The following FBXL13 variants were observed in gnomAD, a reference collection of about 807,000 sequenced individuals.
FBXL13 encodes the protein F-box and leucine-rich repeat protein 13.
FBXL13 carries 67 observed loss-of-function variants against 83.6 expected under a neutral mutation model. That is an observed-to-expected ratio of 0.80 (90% CI 0.66 to 0.98). The LOEUF is 0.98. FBXL13 is among the 50% of genes least tolerant of loss of function. The pLI is 0.00. For synonymous variants in FBXL13, 272 were observed against 299.5 expected (o/e 0.91, Z 0.95); for missense variants, 822 against 866.5 (o/e 0.95, Z 0.64).
At chr7:103,054,988 A>G in intron 2 of FBXL13, 100 bp downstream of exon 3, 3 of 660,130 alleles carry the variant, frequency 4.5e-6, no homozygotes, top group Non-Finnish European at 6.7e-6. Flanking sequence ...AACAACAAAA[A>G]CAGTCTGACC....
chr7:102,945,077 T>C (rs1822236485), intron 8 of FBXL13: 1 of 152,738 alleles, frequency 6.5e-6, no homozygotes, highest in Non-Finnish European at 1.5e-5. Flanking sequence ...ATACATTAAA[T>C]AAATTTCCAT....
At chr7:102,928,425 T>C (rs1460032060) in intron 9 of FBXL13, among the ~76,000 whole-genome samples, 4 of 152,244 alleles carry the variant, frequency 2.6e-5, no homozygotes, top group African/African-American at 9.6e-5. Context: ...TCAAAGCTCT[T>C]CGAATGAGTG....
intron 17 of FBXL13, among the ~76,000 whole-genome samples, chr7:102,838,933 A>C (rs1427928702): frequency 6.6e-6 from 1 of 152,226 alleles, no homozygotes; most frequent in African/African-American, 2.4e-5. Flanking sequence ...ACACCCGTGA[A>C]GGGTCTGTGC....
intron 2 of FBXL13, among the ~76,000 whole-genome samples, chr7:103,034,530 C>A (rs953766085): frequency 6.6e-6 from 1 of 152,266 alleles, no homozygotes; most frequent in Non-Finnish European, 1.5e-5. Context: ...CCACCCGGAA[C>A]TCCCGCTGGC....
intron 17 of FBXL13, among the ~76,000 whole-genome samples, chr7:102,854,125 T>G (rs931640602): frequency 1.4e-4 from 22 of 152,012 alleles, no homozygotes; most frequent in Non-Finnish European, 2.4e-4. Flanking sequence ...CCAACCCAAA[T>G]GTCCAACAAT....
chr7:103,029,332 G>C lies in FBXL13; in HGVS notation c.68+19C>G, dbSNP rs200394203. 1,009 of 1,481,222 alleles carry C rather than the reference G, an allele frequency of 6.8e-4. No individual in the cohort carries two copies. The highest frequency in any genetic ancestry group is 1.2e-3 in the Middle Eastern group (7 of 5,726). The allele number at this position is 1,481,222 out of a possible 1,614,324, so 91.8% of individuals were successfully genotyped here. ...ATAAAAACTCAAAGAGGAAGAAATT[G>C]TAAAAATCACATTCTTACCAAAAAT... On this transcript the variant is annotated intron_variant, in intron 3 of 19. Transcript: ENST00000313221.
chr7:103,028,540 G>C, intron 4 of FBXL13, 60 bp downstream of exon 5: 3 of 1,283,988 alleles, frequency 2.3e-6, no homozygotes, highest in Non-Finnish European at 3.1e-6. Flanking sequence ...TTAACTGTTA[G>C]TTTTTTTATT....
intron 17 of FBXL13, among the ~76,000 whole-genome samples, chr7:102,836,985 T>C (rs1802101972): frequency 6.6e-6 from 1 of 152,236 alleles, no homozygotes; most frequent in Admixed American, 6.5e-5. Context: ...CTGGAAAATA[T>C]GTGCTGTCAA....
chr7:102,909,830 A>C (rs1177977622), intron 11 of FBXL13, among the ~76,000 whole-genome samples: 1 of 152,008 alleles, frequency 6.6e-6, no homozygotes, highest in African/African-American at 2.4e-5. Flanking sequence ...TCTCTTTTGG[A>C]TCGATGAGCT....
At chr7:103,070,298 C>A (rs1006801768) in intron 1 of FBXL13, among the ~76,000 whole-genome samples, 2 of 151,916 alleles carry the variant, frequency 1.3e-5, no homozygotes, top group Non-Finnish European at 2.9e-5. Flanking sequence ...ATGGTGTGAT[C>A]TCAGCTCACT....
At chr7:102,931,232 G>C (rs1008607526) in intron 9 of FBXL13, among the ~76,000 whole-genome samples, 4 of 152,228 alleles carry the variant, frequency 2.6e-5, no homozygotes, top group African/African-American at 9.6e-5. Flanking sequence ...AGCAGCTGTA[G>C]GCACTGCAAA....
chr7:102,976,314 A>T (rs1471352604), intron 6 of FBXL13: 1 of 648,986 alleles, frequency 1.5e-6, no homozygotes, highest in Admixed American at 2.5e-5. Context: ...AGTCCTCCCA[A>T]GTCTCTATTG....
chr7:102,819,697 ATC>A (rs1010948086), intron 19 of FBXL13, among the ~76,000 whole-genome samples: 1 of 152,198 alleles, frequency 6.6e-6, no homozygotes, highest in South Asian at 2.1e-4. Flanking sequence ...AGCCAGAAAA[ATC>A]TCTCTTATCC....
intron 9 of FBXL13, among the ~76,000 whole-genome samples, chr7:102,931,293 G>A (rs983318902): frequency 1.3e-5 from 2 of 152,210 alleles, no homozygotes; most frequent in Non-Finnish European, 2.9e-5. Context: ...GGGAGGCAGA[G>A]GCAAAACCAC....
chr7:102,986,361 C>T lies in FBXL13; in HGVS notation c.496-18244G>A, dbSNP rs138532380. On this transcript the variant is annotated intron_variant, in intron 6 of 19. Transcript: ENST00000313221. ...TGGAGGCTCATGACAGATATTTGTG[C>T]CACATTCCCATGTAGACCTTCCTAA... 2.2e-3 allele frequency among the ~76,000 whole-genome samples: 338 copies of T among 152,288 alleles called. 1 individual carries two copies. The highest frequency in any genetic ancestry group is 4.8e-3 in the South Asian group (23 of 4,826).
intron 6 of FBXL13, among the ~76,000 whole-genome samples, chr7:103,023,281 AAACAAAACAAAACAG>A (rs1057271205): frequency 2.0e-5 from 3 of 152,186 alleles, no homozygotes; most frequent in African/African-American, 7.2e-5. Context: ...GTCTCAAACA[AAACAAAACAAAACAG>A]AACAAAACAA....
chr7:102,849,336 A>G (rs1264856846), intron 17 of FBXL13, among the ~76,000 whole-genome samples: 3 of 152,208 alleles, frequency 2.0e-5, no homozygotes, highest in Non-Finnish European at 4.4e-5. Context: ...CTAAAAGTCA[A>G]TACATCTGAG....
chr7:103,033,260 C>A (rs958460261), intron 2 of FBXL13, among the ~76,000 whole-genome samples: 1 of 152,128 alleles, frequency 6.6e-6, no homozygotes, highest in Non-Finnish European at 1.5e-5. Flanking sequence ...TCTGTCTCTG[C>A]CACCTGAATC....
chr7:102,821,905 A>T, intron 19 of FBXL13, 135 bp downstream of exon 20: 1 of 1,006,634 alleles, frequency 9.9e-7, no homozygotes, highest in Non-Finnish European at 1.4e-6. Context: ...TGTTAGCTTC[A>T]ATTAGGCAAA....
Sources: gnomAD v4.1 joint callset for allele counts (sites outside exome capture counted in the v4.1 genomes callset) on GRCh38, gnomAD v4.1.1 for gene constraint, MANE v1.5 for transcripts, NCBI Gene and HGNC (gene_info 2026-07-23, HGNC 2026-07-21) for gene names.